Variants in SUSD6 observed in about 807,000 individuals in gnomAD.
SUSD6 encodes sushi domain containing 6.
SUSD6 carries 16 observed loss-of-function variants against 28.4 expected under a neutral mutation model. The ratio of observed to expected loss-of-function variants is 0.56; its 90% CI spans 0.38 to 0.86. The LOEUF is 0.86. Among genes scored for constraint, SUSD6 ranks in the 40% least tolerant of loss-of-function variants. The pLI is 0.00. For synonymous variants in SUSD6, 147 were observed against 159.6 expected (o/e 0.92, Z 0.59); for missense variants, 341 against 384.2 (o/e 0.89, Z 0.94).
chr14:69,669,285 ATC>A (rs1215400315), intron 2 of SUSD6, among the ~76,000 whole-genome samples: 1 of 151,928 alleles, frequency 6.6e-6, no homozygotes, highest in Non-Finnish European at 1.5e-5. Context: ...GATGGTCTCG[ATC>A]TCTTGACCTC....
At chr14:69,611,970 C>T (rs1182844873) in intron 1 of SUSD6, 142 bp downstream of exon 1, 2 of 149,860 alleles carry the variant, frequency 1.3e-5, no homozygotes, top group African/African-American at 4.9e-5. Flanking sequence ...GGCGGCTCCC[C>T]GCGCTTCTCT....
rs1271272075 is a variant in SUSD6, at chr14:69,637,456, CT to C, written c.-80-21056del. Among the ~76,000 whole-genome samples, 36 of 152,298 alleles carry C rather than the reference CT, an allele frequency of 2.4e-4. No homozygotes were observed. The East Asian group carries it at 5.6e-3, about 24-fold the overall frequency. ...ATGTTGAAGGAATGAATGTCCCCCCCTAACCAGGGTCAGCATACCCCAGTGC... is the reference window on the plus strand; with the variant it reads ...ATGTTGAAGGAATGAATGTCCCCCCCAACCAGGGTCAGCATACCCCAGTGC... On this transcript the variant is annotated intron_variant, in intron 1 of 5. Coordinates refer to ENST00000342745, the MANE Select transcript of SUSD6 (RefSeq NM_014734.4).
chr14:69,656,320 A>G (rs1279344615), intron 1 of SUSD6, among the ~76,000 whole-genome samples: 6 of 152,140 alleles, frequency 3.9e-5, no homozygotes, highest in Non-Finnish European at 8.8e-5. Context: ...CACTGCTTAA[A>G]TATTTTTTAT....
At chr14:69,658,862 G>T in intron 2 of SUSD6, 149 bp downstream of exon 2, 1 of 1,041,498 alleles carries the variant, frequency 9.6e-7, no homozygotes, top group Non-Finnish European at 1.4e-6. Flanking sequence ...ATAGCAGGGA[G>T]CCAGTCCTTC....
intron 2 of SUSD6, among the ~76,000 whole-genome samples, chr14:69,684,397 T>C (rs1471231370): frequency 1.3e-5 from 2 of 152,222 alleles, no homozygotes; most frequent in Non-Finnish European, 2.9e-5. Flanking sequence ...CAGTCACTCT[T>C]TGTGAAAAAT....
At chr14:69,687,060 C>T (rs140974840) in intron 2 of SUSD6, among the ~76,000 whole-genome samples, 30 of 152,294 alleles carry the variant, frequency 2.0e-4, no homozygotes, top group African/African-American at 5.8e-4. Context: ...CTGCAACCTC[C>T]GCCTCCTGGG....
intron 2 of SUSD6, among the ~76,000 whole-genome samples, chr14:69,700,888 TTTTTGTTTTG>T (rs1255207679): frequency 6.6e-6 from 1 of 152,218 alleles, no homozygotes; most frequent in Non-Finnish European, 1.5e-5. Context: ...GAGTCTGTTT[TTTTTGTTTTG>T]TTTTGTTTTG....
intron 2 of SUSD6, among the ~76,000 whole-genome samples, chr14:69,680,263 A>G (rs1885979190): frequency 1.3e-5 from 2 of 152,198 alleles, no homozygotes; most frequent in African/African-American, 4.8e-5. Context: ...CTGTCAAGGC[A>G]TCAGTGCCCT....
At chr14:69,655,144 GGT>G (rs374901088) in intron 1 of SUSD6, among the ~76,000 whole-genome samples, 3 of 146,686 alleles carry the variant, frequency 2.0e-5, no homozygotes, top group African/African-American at 7.6e-5. Context: ...TGCTTATAGG[GGT>G]GTGTGTGTGT....
At chr14:69,696,094 G>A (rs754879156) in intron 2 of SUSD6, among the ~76,000 whole-genome samples, 9 of 152,212 alleles carry the variant, frequency 5.9e-5, no homozygotes, top group Admixed American at 1.3e-4. Context: ...GGGGAAATGA[G>A]CCACAAAACA....
At chr14:69,653,367 G>A (rs1292064754) in intron 1 of SUSD6, among the ~76,000 whole-genome samples, 1 of 152,222 alleles carries the variant, frequency 6.6e-6, no homozygotes, top group African/African-American at 2.4e-5. Flanking sequence ...GGCTATTGGG[G>A]TAAGAGATGG....
At chr14:69,623,084 T>C (rs1280610460) in intron 1 of SUSD6, among the ~76,000 whole-genome samples, 7 of 152,092 alleles carry the variant, frequency 4.6e-5, no homozygotes, top group Non-Finnish European at 1.0e-4. Flanking sequence ...TGTTGAGAGG[T>C]GGGAAACCTC....
intron 1 of SUSD6, among the ~76,000 whole-genome samples, chr14:69,655,850 C>T (rs115683020): frequency 2.6e-4 from 39 of 152,078 alleles, no homozygotes; most frequent in Non-Finnish European, 4.6e-4. Flanking sequence ...ACCATTTGGC[C>T]GGCCCCACTG....
chr14:69,646,381 C>A (rs575166531), intron 1 of SUSD6, among the ~76,000 whole-genome samples: 20 of 152,282 alleles, frequency 1.3e-4, no homozygotes, highest in African/African-American at 4.3e-4. Context: ...TGTCCTCTTT[C>A]CTAGGTGAGC....
intron 5 of SUSD6, among the ~76,000 whole-genome samples, chr14:69,710,282 A>C (rs1004801867): frequency 6.6e-6 from 1 of 152,210 alleles, no homozygotes; most frequent in Non-Finnish European, 1.5e-5. Flanking sequence ...TTGAGAGGCC[A>C]TCTTGTGCCT....
chr14:69,681,660 A>G (rs539703097), intron 2 of SUSD6, among the ~76,000 whole-genome samples: 1 of 152,218 alleles, frequency 6.6e-6, no homozygotes, highest in Non-Finnish European at 1.5e-5. Context: ...TAGCCTTTTC[A>G]TTACTTCTTG....
chr14:69,621,826 C>T (rs1885045135), intron 1 of SUSD6, among the ~76,000 whole-genome samples: 1 of 152,132 alleles, frequency 6.6e-6, no homozygotes. Flanking sequence ...AAGGTCTGTC[C>T]ATGCTTTTTT....
intron 2 of SUSD6, among the ~76,000 whole-genome samples, chr14:69,677,615 T>A (rs1416005058): frequency 1.3e-5 from 2 of 151,408 alleles, no homozygotes; most frequent in African/African-American, 4.9e-5. Context: ...GATGACTGTT[T>A]TGCAGAGGGG....
At chr14:69,706,278 A>AT (rs1408178115) in intron 4 of SUSD6, among the ~76,000 whole-genome samples, 2 of 152,176 alleles carry the variant, frequency 1.3e-5, no homozygotes, top group Admixed American at 1.3e-4. Context: ...TTTCCCCCCT[A>AT]TAGTTAACTT....
Sources: gnomAD v4.1 joint callset for allele counts (sites outside exome capture counted in the v4.1 genomes callset) on GRCh38, gnomAD v4.1.1 for gene constraint, MANE v1.5 for transcripts, NCBI Gene and HGNC (gene_info 2026-07-23, HGNC 2026-07-21) for gene names.